GNAI1: variants seen among roughly 807,000 people sequenced by gnomAD.
The protein encoded by GNAI1 is G protein subunit alpha i1.
Under a neutral mutation model 38.9 loss-of-function variants are expected in GNAI1, and 11 were observed. That is an observed-to-expected ratio of 0.28 (90% CI 0.18 to 0.47). The LOEUF is 0.47. Among genes scored for constraint, GNAI1 ranks in the 20% least tolerant of loss-of-function variants. The pLI is 0.99. For missense variants in GNAI1, 317 were observed against 436.9 expected, an observed-to-expected ratio of 0.73 and a Z score of 2.45; for synonymous variants, 166 against 145.1, an observed-to-expected ratio of 1.14 and a Z score of -1.04.
intron 1 of GNAI1, among the ~76,000 whole-genome samples, chr7:80,136,505 C>T (rs1167178999): frequency 6.6e-6 from 1 of 152,080 alleles, no homozygotes; most frequent in Non-Finnish European, 1.5e-5. Context: ...TGATCTGAGT[C>T]ATTTTGCAAG....
At chr7:80,173,309 C>G (rs145863401) in intron 1 of GNAI1, among the ~76,000 whole-genome samples, 1 of 152,144 alleles carries the variant, frequency 6.6e-6, no homozygotes, top group East Asian at 1.9e-4. Context: ...TGCTTAGAAA[C>G]CTGTTACGTA....
At chr7:80,149,908 A>G (rs558551642) in intron 1 of GNAI1, among the ~76,000 whole-genome samples, 71 of 152,308 alleles carry the variant, frequency 4.7e-4, no homozygotes, top group African/African-American at 1.7e-3. Context: ...AAAGGAAACT[A>G]CAATAGACAA....
chr7:80,159,707 A>G (rs1458517332), intron 1 of GNAI1, among the ~76,000 whole-genome samples: 2 of 152,132 alleles, frequency 1.3e-5, no homozygotes, highest in African/African-American at 4.8e-5. Flanking sequence ...GGTTCTCTCC[A>G]GGTAGATATT....
At chr7:80,172,046 TA>T (rs1388326701) in intron 1 of GNAI1, among the ~76,000 whole-genome samples, 12 of 152,366 alleles carry the variant, frequency 7.9e-5, no homozygotes, top group African/African-American at 2.9e-4. Context: ...AGCCTTTCTG[TA>T]ATCTTTTACT....
At position 80,218,206 on chromosome 7, in the gene GNAI1, A is replaced by G. The variant is rs1383284485; in HGVS notation, c.*713A>G. The G allele has an allele frequency of 6.6e-6, 1 of 152,152 alleles. No individual in the cohort carries two copies. Among genetic ancestry groups the G allele is most frequent in the Non-Finnish European group, 1.5e-5 (1 of 67,996 alleles). The allele number at this position is 152,152 out of a possible 1,614,324, so 9.4% of individuals were successfully genotyped here. A position where few individuals can be genotyped will look rare whatever the true frequency, so the allele number is the denominator to read the frequency against. Reference sequence around the variant, plus strand: ...ATAAAATAATTTAATTTTACATTAGATTCCACGTTAGATTTGGTTTGAAAA... The same window carrying G: ...ATAAAATAATTTAATTTTACATTAGGTTCCACGTTAGATTTGGTTTGAAAA... On this transcript the variant is annotated 3_prime_UTR_variant, in exon 8 of 8. Coordinates refer to ENST00000649796, the MANE Select transcript of GNAI1 (RefSeq NM_002069.6).
In GNAI1 at chr7:80,203,699, T is replaced by C; in HGVS notation, c.462-5T>C. 6.4e-7 allele frequency: 1 copy of C among 1,565,066 alleles called. No individual in the cohort carries two copies. The highest frequency in any genetic ancestry group is 8.7e-7 in the Non-Finnish European group (1 of 1,146,708). On this transcript the variant is annotated splice_polypyrimidine_tract_variant and splice_region_variant and intron_variant, in intron 4 of 7. Transcript: ENST00000649796. ...TAACATGTTGTTTTGTTTAATTTTTTTCAGCTATTTGAATGACTTGGACAG... is the reference window on the plus strand; with the variant it reads ...TAACATGTTGTTTTGTTTAATTTTTCTCAGCTATTTGAATGACTTGGACAG...
At chr7:80,213,305 T>G (rs1193706477) in intron 7 of GNAI1, among the ~76,000 whole-genome samples, 1 of 152,064 alleles carries the variant, frequency 6.6e-6, no homozygotes, top group Non-Finnish European at 1.5e-5. Flanking sequence ...GAAGACAGGA[T>G]CATTGAGGCA....
In GNAI1 at chr7:80,135,166, C is replaced by A. The variant is rs145033896; in HGVS notation, c.6C>A (p.Gly2=). Residue 2 remains glycine (G), a synonymous_variant, in exon 1 of 8, where the codon GGC becomes GGA. Coordinates refer to ENST00000649796, the MANE Select transcript of GNAI1 (RefSeq NM_002069.6). M[G]CTLSAEDKAA... Reference sequence around the variant, plus strand: ...AGGCTCTCGCTTTCGGCACCATGGGCTGCACGCTGAGCGCCGAGGACAAGG... The same window carrying A: ...AGGCTCTCGCTTTCGGCACCATGGGATGCACGCTGAGCGCCGAGGACAAGG... The A allele has an allele frequency of 1.6e-5, 24 of 1,532,670 alleles. 1 individual carries two copies. The highest frequency in any genetic ancestry group is 1.1e-4 in the African/African-American group (8 of 70,050). The allele number at this position is 1,532,670 out of a possible 1,614,324, so 94.9% of individuals were successfully genotyped here.
At chr7:80,159,471 CTT>C (rs1298777181) in intron 1 of GNAI1, among the ~76,000 whole-genome samples, 1 of 151,688 alleles carries the variant, frequency 6.6e-6, no homozygotes, top group Non-Finnish European at 1.5e-5. Flanking sequence ...CATTTACTGT[CTT>C]TTTTTGAAAA....
intron 7 of GNAI1, among the ~76,000 whole-genome samples, chr7:80,213,460 A>G (rs867280151): frequency 6.6e-6 from 1 of 152,162 alleles, no homozygotes; most frequent in African/African-American, 2.4e-5. Context: ...TGACTTTTCC[A>G]TAATTAGCTC....
intron 1 of GNAI1, among the ~76,000 whole-genome samples, chr7:80,178,375 C>T (rs988565527): frequency 6.6e-6 from 1 of 151,992 alleles, no homozygotes; most frequent in Non-Finnish European, 1.5e-5. Flanking sequence ...AGTTCTGCTG[C>T]GGGTAAAGTG....
intron 1 of GNAI1, among the ~76,000 whole-genome samples, chr7:80,175,405 TC>T (rs1264251185): frequency 1.3e-5 from 2 of 151,026 alleles, no homozygotes; most frequent in African/African-American, 4.8e-5. Flanking sequence ...ATGAAAGACA[TC>T]AACATTTGGT....
chr7:80,205,244 T>A (rs2115688420), intron 5 of GNAI1, among the ~76,000 whole-genome samples: 1 of 152,200 alleles, frequency 6.6e-6, no homozygotes, highest in South Asian at 2.1e-4. Flanking sequence ...ATAATAAAAA[T>A]GCTAGAATTA....
intron 4 of GNAI1, among the ~76,000 whole-genome samples, chr7:80,203,393 G>T (rs1328704783): frequency 3.3e-5 from 5 of 151,764 alleles, no homozygotes; most frequent in Non-Finnish European, 7.4e-5. Flanking sequence ...CTCATGGTGT[G>T]TATTAGCTTT....
chr7:80,138,097 T>C (rs1787456781), intron 1 of GNAI1, among the ~76,000 whole-genome samples: 1 of 152,234 alleles, frequency 6.6e-6, no homozygotes, highest in Non-Finnish European at 1.5e-5. Flanking sequence ...TTACATTAGA[T>C]CGTGTTCATC....
intron 4 of GNAI1, among the ~76,000 whole-genome samples, chr7:80,200,706 T>C (rs1788671463): frequency 6.6e-6 from 1 of 152,212 alleles, no homozygotes; most frequent in African/African-American, 2.4e-5. Context: ...TAATGAATAT[T>C]GTATCACCCA....
chr7:80,189,283 G>T, intron 3 of GNAI1, 52 bp downstream of exon 3: 1 of 1,461,034 alleles, frequency 6.8e-7, no homozygotes, highest in Non-Finnish European at 9.5e-7. Flanking sequence ...AGAATAACTT[G>T]TATGCTAATA....
chr7:80,221,631 A>ATTTTT lies in GNAI1; in HGVS notation c.*4142_*4143insTTTTT, dbSNP rs1554354294. ...TTTATATTTTAATGTTAGGTTGGAA[A>ATTTTT]TTTTCTTTTTTTTTTTTTTTTTTTT... On this transcript the variant is annotated 3_prime_UTR_variant, in exon 8 of 8. Transcript: ENST00000649796. 1.3e-5 allele frequency among the ~76,000 whole-genome samples: 1 copy of ATTTTT among 78,466 alleles called. No homozygotes were observed. Among genetic ancestry groups the ATTTTT allele is most frequent in the Non-Finnish European group, 2.7e-5 (1 of 36,382 alleles). 51.5% of individuals were successfully genotyped at this position (78,466 alleles called of 152,430 possible).
intron 4 of GNAI1, among the ~76,000 whole-genome samples, chr7:80,203,345 A>G (rs1465822202): frequency 6.6e-6 from 1 of 152,280 alleles, no homozygotes; most frequent in East Asian, 1.9e-4. Flanking sequence ...ACACAGTGCT[A>G]TATCCAAAAG....
Sources: gnomAD v4.1 joint callset for allele counts (sites outside exome capture counted in the v4.1 genomes callset) on GRCh38, gnomAD v4.1.1 for gene constraint, MANE v1.5 for transcripts, NCBI Gene and HGNC (gene_info 2026-07-23, HGNC 2026-07-21) for gene names.